RPAP2: variants seen among roughly 807,000 people sequenced by gnomAD.
RPAP2 encodes the protein RNA polymerase II associated protein 2, also known as putative RNA polymerase II subunit B1 CTD phosphatase RPAP2.
RPAP2 carries 52 observed loss-of-function variants against 73.1 expected under a neutral mutation model. The observed-to-expected ratio is 0.71, with a 90% CI of 0.57 to 0.90. The LOEUF is 0.90. Ranked by LOEUF, RPAP2 falls within the 40% of genes least tolerant of loss-of-function variation. The pLI, the probability that RPAP2 is intolerant of heterozygous loss-of-function variation, is 0.00. For missense variants in RPAP2, 598 were observed against 701.8 expected (o/e 0.85, Z 1.67); for synonymous variants, 225 against 242.1 (o/e 0.93, Z 0.65).
chr1:92,301,412 T>C, intron 2 of RPAP2, 64 bp from the exon 3 acceptor site: 2 of 835,070 alleles, frequency 2.4e-6, no homozygotes, highest in South Asian at 3.3e-5. Flanking sequence ...AGTATTGTAT[T>C]TTAAAACATG....
At chr1:92,301,394 GTTAGGTT>G (rs1650847190) in intron 2 of RPAP2, 75 bp from the exon 3 acceptor site, 1 of 570,926 alleles carries the variant, frequency 1.8e-6, no homozygotes, top group Non-Finnish European at 3.0e-6. Context: ...AAAATAGTGA[GTTAGGTT>G]AGTATTGTAT....
chr1:92,324,261 A>G lies in RPAP2; in HGVS notation c.1341A>G (p.Pro447=). The G allele has an allele frequency of 6.2e-7, 1 of 1,614,062 alleles. No homozygotes were observed. Among genetic ancestry groups the G allele is most frequent in the South Asian group, 1.1e-5 (1 of 91,074 alleles). The part of the protein sequence containing the change: ...RGSGTAIKPL[P]SYENLKKETE... Reference sequence around the variant, plus strand: ...CAGGTACAGCCATTAAACCACTGCCAAGTTACGAGAATTTGAAAAAAGAAA... The same window carrying G: ...CAGGTACAGCCATTAAACCACTGCCGAGTTACGAGAATTTGAAAAAAGAAA... The change falls in exon 8 of 13, where the codon CCA becomes CCG. Residue 447 remains proline, a synonymous_variant. Coordinates refer to ENST00000610020, the MANE Select transcript of RPAP2 (RefSeq NM_024813.3).
intron 11 of RPAP2, among the ~76,000 whole-genome samples, chr1:92,347,882 G>T (rs1653988312): frequency 6.6e-6 from 1 of 151,946 alleles, no homozygotes. Flanking sequence ...TTACTGTAGT[G>T]TATCGCATGT....
Position 92,362,995 on chromosome 1 carries a change from G to A in RPAP2, c.1688+17081G>A, listed in dbSNP as rs552235901. Among the ~76,000 whole-genome samples, 28 of 152,240 alleles carry A rather than the reference G, an allele frequency of 1.8e-4. No individual in the cohort carries two copies. The South Asian group carries it at 2.3e-3, about 12-fold the overall frequency. ...AAGTGCCACTAGCTAATTCTTTGCAGCCAAGGTTATACATTGAGATAGAAG... is the reference window on the plus strand; with the variant it reads ...AAGTGCCACTAGCTAATTCTTTGCAACCAAGGTTATACATTGAGATAGAAG... On this transcript the variant is annotated intron_variant, in intron 11 of 12. Transcript: ENST00000610020.
chr1:92,388,655 C>G lies in RPAP2; in HGVS notation c.*1644C>G, dbSNP rs1038562023. 6.6e-6 allele frequency: 1 copy of G among 152,220 alleles called. No individual in the cohort carries two copies. Among genetic ancestry groups the G allele is most frequent in the African/African-American group, 2.4e-5 (1 of 41,434 alleles). 9.4% of individuals were successfully genotyped at this position (152,220 alleles called of 1,614,324 possible). A position where few individuals can be genotyped will look rare whatever the true frequency, so the allele number is the denominator to read the frequency against. On this transcript the variant is annotated 3_prime_UTR_variant, in exon 13 of 13. Transcript: ENST00000610020. Reference sequence around the variant, plus strand: ...AGTGACTATACCTGGAGGAGGGGTACACTCCTGCCCAAATACTGCTCTTTT... The same window carrying G: ...AGTGACTATACCTGGAGGAGGGGTAGACTCCTGCCCAAATACTGCTCTTTT...
At chr1:92,379,788 AGCCAG>A (rs1280584123) in intron 11 of RPAP2, among the ~76,000 whole-genome samples, 5 of 151,660 alleles carry the variant, frequency 3.3e-5, no homozygotes, top group African/African-American at 1.2e-4. Context: ...TACAAAAATT[AGCCAG>A]GCGTGGTGGC....
At chr1:92,317,248 A>G (rs1315790234) in intron 6 of RPAP2, among the ~76,000 whole-genome samples, 1 of 152,094 alleles carries the variant, frequency 6.6e-6, no homozygotes, top group East Asian at 1.9e-4. Flanking sequence ...GTGGCTCACA[A>G]CTGTAATCCC....
rs1307621189 is a variant in RPAP2 at position 92,401,621 on chromosome 1, G to A, written c.*14610G>A. ...CCTTGTTCCTAATTTTAGAGGGAAA[G>A]TACTCAGTCTTTCGCCATTAAGTAC... On this transcript the variant is annotated 3_prime_UTR_variant, in exon 13 of 13. Transcript: ENST00000610020. 1 of 152,198 alleles carries A rather than the reference G, an allele frequency of 6.6e-6. No homozygotes were observed. Among genetic ancestry groups the A allele is most frequent in the Non-Finnish European group, 1.5e-5 (1 of 68,040 alleles). The allele number at this position is 152,198 out of a possible 1,614,324, so 9.4% of individuals were successfully genotyped here.
At chr1:92,313,282 A>G (rs1047426029) in intron 6 of RPAP2, among the ~76,000 whole-genome samples, 5 of 152,204 alleles carry the variant, frequency 3.3e-5, no homozygotes, top group Admixed American at 1.3e-4. Context: ...TAGGAAATGT[A>G]TGTCTTAAGA....
At position 92,380,742 on chromosome 1, in the gene RPAP2, C is replaced by A; in HGVS notation, c.1707C>A (p.Gly569=). The A allele has an allele frequency of 1.3e-6, 2 of 1,583,840 alleles. No individual in the cohort carries two copies. The highest frequency in any genetic ancestry group is 8.5e-7 in the Non-Finnish European group (1 of 1,170,848). Residue 569 remains glycine, a synonymous_variant, in exon 12 of 13, where the codon GGC becomes GGA. Coordinates refer to ENST00000610020, the MANE Select transcript of RPAP2 (RefSeq NM_024813.3). ...VLLSLLTPIL[G]IQKHSQEGMV... The stretch of plus-strand genomic sequence containing the variant: ...GTTTCAGACTGACCCCAATTCTTGG[C>A]ATTCAGAAACATTCTCAGGAAGGTA...
At chr1:92,342,457 T>A (rs1421544878) in intron 10 of RPAP2, among the ~76,000 whole-genome samples, 3 of 152,204 alleles carry the variant, frequency 2.0e-5, no homozygotes, top group Non-Finnish European at 4.4e-5. Flanking sequence ...ATAGGCCTTG[T>A]AGCTATGATC....
At position 92,388,687 on chromosome 1, in the gene RPAP2, G is replaced by C. The variant is rs1023181908; in HGVS notation, c.*1676G>C. The C allele has an allele frequency of 1.3e-5, 2 of 152,328 alleles. No individual in the cohort carries two copies. Among genetic ancestry groups the C allele is most frequent in the East Asian group, 3.9e-4 (2 of 5,194 alleles). The allele number at this position is 152,328 out of a possible 1,614,324, so 9.4% of individuals were successfully genotyped here. Reference sequence around the variant, plus strand: ...GCCCAAATACTGCTCTTTTCCCACAGTCTTCGCAACTGGCAGACCACGAAA... The same window carrying C: ...GCCCAAATACTGCTCTTTTCCCACACTCTTCGCAACTGGCAGACCACGAAA... On this transcript the variant is annotated 3_prime_UTR_variant, in exon 13 of 13. Transcript: ENST00000610020.
chr1:92,375,451 T>G (rs1045232352), intron 11 of RPAP2, among the ~76,000 whole-genome samples: 3 of 152,104 alleles, frequency 2.0e-5, no homozygotes, highest in Non-Finnish European at 2.9e-5. Context: ...TCCTAGCACT[T>G]TGGGAGGCTG....
intron 8 of RPAP2, among the ~76,000 whole-genome samples, chr1:92,329,389 C>A (rs1043331678): frequency 6.6e-6 from 1 of 152,198 alleles, no homozygotes; most frequent in Non-Finnish European, 1.5e-5. Flanking sequence ...CTGGCAACCA[C>A]AGGCCTCACC....
chr1:92,380,575 CTT>C, intron 11 of RPAP2, 147 bp from the exon 12 acceptor site: 1 of 469,406 alleles, frequency 2.1e-6, no homozygotes, highest in Non-Finnish European at 3.7e-6. Context: ...TCTCTTCTGC[CTT>C]TGTTAGTAAA....
At chr1:92,373,920 A>G (rs1250295838) in intron 11 of RPAP2, among the ~76,000 whole-genome samples, 1 of 150,772 alleles carries the variant, frequency 6.6e-6, no homozygotes, top group East Asian at 1.9e-4. Context: ...ACTTGGTCTC[A>G]AAAAAAAATA....
intron 11 of RPAP2, among the ~76,000 whole-genome samples, chr1:92,373,103 G>C (rs1655221310): frequency 6.6e-6 from 1 of 152,214 alleles, no homozygotes. Context: ...CATTCTTTTG[G>C]ATGGAGATAG....
At chr1:92,353,963 C>CT (rs959796655) in intron 11 of RPAP2, among the ~76,000 whole-genome samples, 3 of 152,098 alleles carry the variant, frequency 2.0e-5, no homozygotes, top group South Asian at 4.2e-4. Flanking sequence ...TAATGCTACT[C>CT]TTTTTTTTAT....
At chr1:92,324,753 G>C (rs1444326557) in intron 8 of RPAP2, among the ~76,000 whole-genome samples, 1 of 152,090 alleles carries the variant, frequency 6.6e-6, no homozygotes, top group Admixed American at 6.6e-5. Flanking sequence ...TTTAATGGAA[G>C]TATATGCCAT....
Sources: allele counts gnomAD v4.1 joint callset (sites outside exome capture counted in the v4.1 genomes callset), GRCh38; gene constraint gnomAD v4.1.1; transcripts MANE v1.5; gene names NCBI Gene and HGNC (gene_info 2026-07-23, HGNC 2026-07-21).